ATP13A3: variants seen among roughly 807,000 people sequenced by gnomAD.
ATP13A3 encodes the protein polyamine-transporting ATPase 13A3.
A neutral mutation model predicts 158.1 loss-of-function variants in ATP13A3; 59 were observed. The ratio of observed to expected loss-of-function variants is 0.37; its 90% CI spans 0.30 to 0.46. The LOEUF is 0.46. Ranked by LOEUF, ATP13A3 falls within the 20% of genes least tolerant of loss-of-function variation. The pLI, the probability that ATP13A3 is intolerant of heterozygous loss-of-function variation, is 1.00. For missense variants in ATP13A3, 1,166 were observed against 1,525.2 expected (o/e 0.76, Z 3.92); for synonymous variants, 491 against 504.3 (o/e 0.97, Z 0.35).
rs71179358 is a variant in ATP13A3 at position 194,409,693 on chromosome 3, A to ATTTTTTTTTTTTTTTTTTTTTTTTTTT, written c.3573+2479_3573+2505dup. ...TGCTTGATAATCACTGACGTAAAGA[A>ATTTTTTTTTTTTTTTTTTTTTTTTTTT]TTTTTTTTTTTTTTTTTTTTTTTTT... On this transcript the variant is annotated intron_variant, in intron 33 of 33. Transcript: ENST00000645319. 1.9e-4 allele frequency among the ~76,000 whole-genome samples: 18 copies of ATTTTTTTTTTTTTTTTTTTTTTTTTTT among 93,994 alleles called. 3 individuals are homozygous for ATTTTTTTTTTTTTTTTTTTTTTTTTTT. The highest frequency in any genetic ancestry group is 7.9e-4 in the African/African-American group (16 of 20,350). The allele number at this position is 93,994 out of a possible 152,430, so 61.7% of individuals were successfully genotyped here. A position where few individuals can be genotyped will look rare whatever the true frequency, so the allele number is the denominator to read the frequency against.
chr3:194,444,259 AAAG>A (rs1718242047), intron 15 of ATP13A3, among the ~76,000 whole-genome samples: 3 of 152,338 alleles, frequency 2.0e-5, no homozygotes, highest in Admixed American at 6.5e-5. Context: ...TGCAGAGAAA[AAAG>A]AAGAAAAAAC....
chr3:194,456,011 T>A (rs779129501), intron 7 of ATP13A3, 49 bp from the exon 8 acceptor site: 2 of 1,210,984 alleles, frequency 1.7e-6, no homozygotes, highest in Non-Finnish European at 2.3e-6. Flanking sequence ...CATAATAGTA[T>A]AATTTACGAA....
In ATP13A3 at chr3:194,462,206, A is replaced by C; in HGVS notation, c.-16T>G. On this transcript the variant is annotated 5_prime_UTR_variant, in exon 3 of 34. Coordinates refer to ENST00000645319, the MANE Select transcript of ATP13A3 (RefSeq NM_001367549.1). ...CCCTGTCCATACCTACAGTGGATTA[A>C]AGGTCCAGTGCTTCAAACAATGGAA... The C allele has an allele frequency of 2.5e-6, 4 of 1,612,026 alleles. No homozygotes were observed. Among genetic ancestry groups the C allele is most frequent in the Non-Finnish European group, 3.4e-6 (4 of 1,178,092 alleles).
At chr3:194,476,931 C>T (rs1284967899) in intron 2 of ATP13A3, among the ~76,000 whole-genome samples, 1 of 152,140 alleles carries the variant, frequency 6.6e-6, no homozygotes, top group Non-Finnish European at 1.5e-5. Context: ...AGGTCAAAGT[C>T]AAAACTGATT....
At chr3:194,478,336 G>A (rs1296323433) in intron 2 of ATP13A3, among the ~76,000 whole-genome samples, 1 of 151,686 alleles carries the variant, frequency 6.6e-6, no homozygotes, top group African/African-American at 2.4e-5. Flanking sequence ...GGTGACCAAT[G>A]GCACCAGGGA....
Position 194,437,263 on chromosome 3 carries a change from G to A in ATP13A3, c.1999+48C>T, listed in dbSNP as rs1320108351. On this transcript the variant is annotated intron_variant, in intron 19 of 33. Coordinates refer to ENST00000645319, the MANE Select transcript of ATP13A3 (RefSeq NM_001367549.1). ...TTCATTGTTAGAGTTGCTAATACAA[G>A]TTTACTCAAATACCAGAATTGTACC... is the stretch of plus-strand genomic sequence containing the variant. The A allele has an allele frequency of 3.7e-6, 6 of 1,613,680 alleles. No homozygotes were observed. The Admixed American group carries it at 1.0e-4, about 27-fold the overall frequency.
chr3:194,464,413 C>A lies in ATP13A3; in HGVS notation c.-46-2177G>T, dbSNP rs1326464011. The stretch of plus-strand genomic sequence containing the variant: ...GTAACAAGATCTTCTCCACCTAGGG[C>A]AGTGTAATGGTCCTAGAGCATATTA... On this transcript the variant is annotated intron_variant, in intron 2 of 33. Coordinates refer to ENST00000645319, the MANE Select transcript of ATP13A3 (RefSeq NM_001367549.1). 2.0e-5 allele frequency among the ~76,000 whole-genome samples: 3 copies of A among 152,162 alleles called. No individual in the cohort carries two copies. In the East Asian group the frequency reaches 5.8e-4, roughly 29 times the overall value.
intron 2 of ATP13A3, among the ~76,000 whole-genome samples, chr3:194,476,572 C>T (rs1204796069): frequency 6.6e-6 from 1 of 152,186 alleles, no homozygotes; most frequent in Admixed American, 6.5e-5. Flanking sequence ...GACTACCCTT[C>T]TCAAATCCAC....
At chr3:194,472,950 T>C (rs1238458376) in intron 2 of ATP13A3, among the ~76,000 whole-genome samples, 1 of 152,060 alleles carries the variant, frequency 6.6e-6, no homozygotes, top group East Asian at 1.9e-4. Flanking sequence ...ATCTAAACAT[T>C]GGATATACAT....
intron 2 of ATP13A3, among the ~76,000 whole-genome samples, chr3:194,467,436 CTT>C (rs1720060508): frequency 6.6e-6 from 1 of 152,140 alleles, no homozygotes. Context: ...CACCATTACT[CTT>C]TTTATGAGTG....
chr3:194,436,127 T>C (rs1300631493), intron 20 of ATP13A3, among the ~76,000 whole-genome samples: 1 of 148,980 alleles, frequency 6.7e-6, no homozygotes, highest in African/African-American at 2.4e-5. Flanking sequence ...GGTTTTTCAT[T>C]TTTTTTTTTT....
intron 33 of ATP13A3, among the ~76,000 whole-genome samples, chr3:194,411,824 C>T (rs527548381): frequency 8.5e-5 from 13 of 152,268 alleles, no homozygotes; most frequent in Admixed American, 7.2e-4. Context: ...TTATATAAAT[C>T]TCATTTAGCT....
rs1046373275 is a variant in ATP13A3 at position 194,405,542 on chromosome 3, G to C, written c.*377C>G. 4 of 173,856 alleles carry C rather than the reference G, an allele frequency of 2.3e-5. No individual in the cohort carries two copies. The highest frequency in any genetic ancestry group is 9.6e-5 in the African/African-American group (4 of 41,800). 10.8% of individuals were successfully genotyped at this position (173,856 alleles called of 1,614,324 possible). On this transcript the variant is annotated 3_prime_UTR_variant, in exon 34 of 34. Transcript: ENST00000645319. ...TAAACACAGACTTTTCTAACAAGAG[G>C]GTTGTGAGCATAAATGTGAAGAGGT... is the stretch of plus-strand genomic sequence containing the variant.
upstream of ATP13A3, among the ~76,000 whole-genome samples, chr3:194,490,568 C>T (rs1235811909): frequency 6.6e-6 from 1 of 152,184 alleles, no homozygotes. This position sits in a 1 kb window ranked among gnomAD's most constrained non-coding sequence, Gnocchi z 4.4. Flanking sequence ...AGGCTCAACC[C>T]AGGATCCATT....
chr3:194,476,799 C>A (rs1389688480), intron 2 of ATP13A3, among the ~76,000 whole-genome samples: 1 of 142,302 alleles, frequency 7.0e-6, no homozygotes, highest in East Asian at 2.1e-4. Context: ...TTAAATTGAA[C>A]TAGATTAAAT....
In ATP13A3 at chr3:194,448,014, C is replaced by CA. The variant is rs754451904; in HGVS notation, c.1151-6dup. On this transcript the variant is annotated splice_region_variant and splice_polypyrimidine_tract_variant and intron_variant, in intron 12 of 33. Coordinates refer to ENST00000645319, the MANE Select transcript of ATP13A3 (RefSeq NM_001367549.1). This position sits in a 1 kb window ranked among gnomAD's most constrained non-coding sequence, Gnocchi z 4.0. ...GTCCTTTGGAAGTACTAAATCCTTT[C>CA]AAAAAAAGAAGACAATTATTGATAT... 35 of 1,580,120 alleles carry CA rather than the reference C, an allele frequency of 2.2e-5. No individual in the cohort carries two copies. The highest frequency in any genetic ancestry group is 2.9e-5 in the Non-Finnish European group (34 of 1,160,378).
intron 31 of ATP13A3, among the ~76,000 whole-genome samples, chr3:194,417,958 C>CGGACGGAAGGAA (rs1553795805): frequency 5.2e-5 from 4 of 76,786 alleles, no homozygotes; most frequent in African/African-American, 1.4e-4. Context: ...GACGGACGGA[C>CGGACGGAAGGAA]GGAAGGAAGG....
At chr3:194,454,923 C>A (rs1023324105) in intron 8 of ATP13A3, among the ~76,000 whole-genome samples, 3 of 152,064 alleles carry the variant, frequency 2.0e-5, no homozygotes, top group African/African-American at 4.8e-5. Flanking sequence ...TTACTGGCAT[C>A]CATTTAGATT....
At chr3:194,425,838 T>G (rs1716729085) in intron 29 of ATP13A3, among the ~76,000 whole-genome samples, 1 of 152,202 alleles carries the variant, frequency 6.6e-6, no homozygotes, top group Non-Finnish European at 1.5e-5. Context: ...ACAATGGGCT[T>G]GACCCAAGCA....
Sources: gnomAD v4.1 joint callset for allele counts (sites outside exome capture counted in the v4.1 genomes callset) on GRCh38, gnomAD v4.1.1 for gene constraint, Gnocchi (gnomAD v3.1) non-coding constraint, MANE v1.5 for transcripts, NCBI Gene and HGNC (gene_info 2026-07-23, HGNC 2026-07-21) for gene names.